Variants in SLC14A2 observed in about 807,000 individuals in gnomAD.
SLC14A2 encodes the protein urea transporter 2.
In SLC14A2, 91 loss-of-function variants were observed where a neutral mutation model predicts 104.6. The observed-to-expected ratio is 0.87, with a 90% CI of 0.73 to 1.04. SLC14A2 has a LOEUF of 1.04. SLC14A2 is among the 50% of genes least tolerant of loss of function. The pLI, the probability that SLC14A2 is intolerant of heterozygous loss-of-function variation, is 0.00. For missense variants in SLC14A2, 1,189 were observed against 1,156.0 expected, an observed-to-expected ratio of 1.03 and a Z score of -0.41; for synonymous variants, 476 against 466.4, an observed-to-expected ratio of 1.02 and a Z score of -0.27.
chr18:45,308,989 G>A (rs772328907), intron 1 of SLC14A2, among the ~76,000 whole-genome samples: 25 of 152,110 alleles, frequency 1.6e-4, no homozygotes, highest in Non-Finnish European at 2.9e-4. Flanking sequence ...CCAGGCGTCC[G>A]TACTTCTCCC....
chr18:45,178,175 C>T, the SLC14A2 span, among the ~76,000 whole-genome samples: 1 of 152,076 alleles, frequency 6.6e-6, no homozygotes, highest in Non-Finnish European at 1.5e-5. Flanking sequence ...ACACATAAAA[C>T]ACTTAAAGCA....
At chr18:45,660,306 C>T (rs1242034842) in intron 10 of SLC14A2, among the ~76,000 whole-genome samples, 1 of 152,176 alleles carries the variant, frequency 6.6e-6, no homozygotes, top group Non-Finnish European at 1.5e-5. Flanking sequence ...ATATGATTAA[C>T]TCTTAGCAAG....
the SLC14A2 span, among the ~76,000 whole-genome samples, chr18:45,203,796 A>T: frequency 1.3e-5 from 2 of 152,212 alleles, no homozygotes; most frequent in African/African-American, 4.8e-5. Context: ...GTACAAAGAG[A>T]TGATCTAATT....
intron 1 of SLC14A2, among the ~76,000 whole-genome samples, chr18:45,366,066 G>A (rs1312503437): frequency 6.6e-6 from 1 of 151,668 alleles, no homozygotes; most frequent in Non-Finnish European, 1.5e-5. Context: ...TGAGTAGAGT[G>A]AACACCACTA....
chr18:45,236,650 TTTTC>T (rs1331692050), intron 1 of SLC14A2, among the ~76,000 whole-genome samples: 1 of 151,348 alleles, frequency 6.6e-6, no homozygotes, highest in Non-Finnish European at 1.5e-5. Flanking sequence ...CACTTTTTCT[TTTTC>T]TTTCTTTCAT....
rs79986548 is a variant in SLC14A2, at chr18:45,261,019, CTTTT to C, written c.-125+47836_-125+47839del. Among the ~76,000 whole-genome samples the C allele has an allele frequency of 4.1e-5, 6 of 147,394 alleles. No individual in the cohort carries two copies. The South Asian group carries it at 1.3e-3, about 32-fold the overall frequency. ...ATTTTATTTTCTATTCTCTTAATTT[CTTTT>C]TTTTTTTAATTTAAGTTTTAGGGTA... On this transcript the variant is annotated intron_variant, in intron 1 of 20. Coordinates refer to the SLC14A2 transcript ENST00000586448.
At chr18:45,652,576 G>C (rs140038787) in intron 10 of SLC14A2, among the ~76,000 whole-genome samples, 1 of 152,148 alleles carries the variant, frequency 6.6e-6, no homozygotes. Flanking sequence ...TTTAGCTCCT[G>C]GTGGTCAATG....
At position 45,358,425 on chromosome 18, in the gene SLC14A2, C is replaced by T. The variant is rs188252140; in HGVS notation, c.-124-124808C>T. Among the ~76,000 whole-genome samples, 197 of 152,280 alleles carry T rather than the reference C, an allele frequency of 1.3e-3. 2 individuals are homozygous for T. Among genetic ancestry groups the T allele is most frequent in the South Asian group, 2.7e-3 (13 of 4,812 alleles). ...CCCTGCTCCTATAGGCCACTTCTGTCGGGCTGCTCCTTCTGGAAGCAGTAC... is the reference window on the plus strand; with the variant it reads ...CCCTGCTCCTATAGGCCACTTCTGTTGGGCTGCTCCTTCTGGAAGCAGTAC... On this transcript the variant is annotated intron_variant, in intron 1 of 20. Transcript: ENST00000586448.
rs1244396837 is a variant in SLC14A2, at chr18:45,644,077, C to A, written c.1268C>A (p.Pro423Gln). The A allele has an allele frequency of 6.2e-7, 1 of 1,614,244 alleles. No individual in the cohort carries two copies. The highest frequency in any genetic ancestry group is 8.5e-7 in the Non-Finnish European group (1 of 1,180,030). ...TTNNPAIFRL[P>Q]LSKVTYPEAN... is the part of the protein sequence containing the mutation. ...AACAACCCAGCCATCTTCAGACTCC[C>A]ACTCAGCAAAGTCACCTACCCCGAG... Residue 423 changes from proline to glutamine, a missense_variant, in exon 10 of 20, where the codon CCA becomes CAA. Coordinates refer to ENST00000255226, the MANE Select transcript of SLC14A2 (RefSeq NM_007163.4).
chr18:45,535,904 G>C (rs768433331), intron 2 of SLC14A2, among the ~76,000 whole-genome samples: 4 of 152,268 alleles, frequency 2.6e-5, no homozygotes, highest in Non-Finnish European at 5.9e-5. Context: ...TCTGTTTCTT[G>C]CCCTAAGGAC....
In SLC14A2 at chr18:45,587,550, C is replaced by G. The variant is rs150630642; in HGVS notation, c.-34-37081C>G. 1.0e-2 allele frequency among the ~76,000 whole-genome samples: 1,519 copies of G among 152,294 alleles called. 33 individuals carry two copies. Among genetic ancestry groups the G allele is most frequent in the African/African-American group, 0.035 (1,453 of 41,544 alleles). On this transcript the variant is annotated intron_variant, in intron 2 of 20. Coordinates refer to the SLC14A2 transcript ENST00000586448. ...CTCCTCCTCTGGTCTAGTTCACTGT[C>G]AGCACCAGTGGATAGATGAGCAGAG...
At chr18:45,407,594 G>T (rs1003358958) in intron 1 of SLC14A2, among the ~76,000 whole-genome samples, 3 of 152,150 alleles carry the variant, frequency 2.0e-5, no homozygotes, top group Non-Finnish European at 2.9e-5. Context: ...GCCTGTCTTG[G>T]CCTTTGACAC....
intron 1 of SLC14A2, among the ~76,000 whole-genome samples, chr18:45,272,712 G>T (rs1283956253): frequency 1.3e-5 from 2 of 152,044 alleles, no homozygotes; most frequent in Non-Finnish European, 2.9e-5. Context: ...GGTGACTTTA[G>T]TCAATAATAA....
intron 1 of SLC14A2, among the ~76,000 whole-genome samples, chr18:45,339,396 A>C (rs907928072): frequency 1.3e-5 from 2 of 152,250 alleles, no homozygotes; most frequent in Non-Finnish European, 1.5e-5. Context: ...GGTCATAACG[A>C]GAAATAAAGA....
At chr18:45,644,390 T>C in intron 10 of SLC14A2, 1 of 428,296 alleles carries the variant, frequency 2.3e-6, no homozygotes, top group Non-Finnish European at 4.1e-6. Flanking sequence ...GGTATTACAG[T>C]AAAATTTCCG....
rs1243236858 is a variant in SLC14A2 at position 45,669,376 on chromosome 18, A to G, written c.2107A>G (p.Asn703Asp). The change falls in exon 16 of 20, where the codon AAT (asparagine) becomes GAT (aspartate). Residue 703 changes from asparagine to aspartate, a missense_variant. Transcript: ENST00000255226. Reference protein sequence around the residue: ...WDLPVFTLPFNITVTLYLAAT... With the variant: ...WDLPVFTLPFDITVTLYLAAT... Reference sequence around the variant, plus strand: ...CCTCCCAGTCTTCACACTGCCCTTCAATATCACTGTGACTTTGTACCTGGC... The same window carrying G: ...CCTCCCAGTCTTCACACTGCCCTTCGATATCACTGTGACTTTGTACCTGGC... 1 of 1,613,962 alleles carries G rather than the reference A, an allele frequency of 6.2e-7. No individual in the cohort carries two copies. The highest frequency in any genetic ancestry group is 1.3e-5 in the African/African-American group (1 of 74,896).
chr18:45,325,430 G>A (rs527761244), intron 1 of SLC14A2, among the ~76,000 whole-genome samples: 1 of 152,130 alleles, frequency 6.6e-6, no homozygotes, highest in Non-Finnish European at 1.5e-5. Flanking sequence ...AACAAGCAAG[G>A]GTATTATTAC....
chr18:45,290,118 T>C (rs1042921309), intron 1 of SLC14A2, among the ~76,000 whole-genome samples: 1 of 152,172 alleles, frequency 6.6e-6, no homozygotes, highest in Non-Finnish European at 1.5e-5. Context: ...AAAAAACGTT[T>C]ATTTTAGATT....
At chr18:45,306,259 G>A (rs988895430) in intron 1 of SLC14A2, among the ~76,000 whole-genome samples, 21 of 152,150 alleles carry the variant, frequency 1.4e-4, no homozygotes, top group South Asian at 8.3e-4. Flanking sequence ...CCCATTCAAA[G>A]CACAGAAAGG....
Sources: gnomAD v4.1 joint callset for allele counts (sites outside exome capture counted in the v4.1 genomes callset) on GRCh38, gnomAD v4.1.1 for gene constraint, MANE v1.5 for transcripts, NCBI Gene and HGNC (gene_info 2026-07-23, HGNC 2026-07-21) for gene names.